Variants in DGKD observed in about 807,000 individuals in gnomAD.
DGKD encodes the protein diacylglycerol kinase delta.
DGKD carries 68 observed loss-of-function variants against 154.4 expected under a neutral mutation model. That is an observed-to-expected ratio of 0.44 (90% CI 0.36 to 0.54). The LOEUF is 0.54. Among genes scored for constraint, DGKD ranks in the 20% least tolerant of loss-of-function variants. DGKD has a pLI of 0.00. For missense variants in DGKD, 1,343 were observed against 1,593.6 expected, an observed-to-expected ratio of 0.84 and a Z score of 2.68; for synonymous variants, 693 against 638.0, an observed-to-expected ratio of 1.09 and a Z score of -1.30.
intron 3 of DGKD, among the ~76,000 whole-genome samples, chr2:233,397,939 G>A (rs2061460752): frequency 6.6e-6 from 1 of 151,906 alleles, no homozygotes. Flanking sequence ...TGGGGTGGTG[G>A]GGGAGGCTTC....
In DGKD at chr2:233,440,999, C is replaced by T. The variant is rs888228193; in HGVS notation, c.1086-888C>T. On this transcript the variant is annotated intron_variant, in intron 9 of 29. Transcript: ENST00000264057. The surrounding 1 kb of genome is among the most constrained non-coding windows in gnomAD (Gnocchi z 4.9). ...GGTTGGTGGTCGAGCTACCATTCTCCGAGTAGGGATGTGTCCTGTTGGATG... is the reference window on the plus strand; with the variant it reads ...GGTTGGTGGTCGAGCTACCATTCTCTGAGTAGGGATGTGTCCTGTTGGATG... 2.6e-5 allele frequency among the ~76,000 whole-genome samples: 4 copies of T among 152,118 alleles called. No homozygotes were observed. Among genetic ancestry groups the T allele is most frequent in the Admixed American group, 2.6e-4 (4 of 15,284 alleles).
intron 3 of DGKD, among the ~76,000 whole-genome samples, chr2:233,405,517 TAAA>T (rs1185414508): frequency 2.4e-5 from 3 of 127,030 alleles, no homozygotes; most frequent in Admixed American, 7.9e-5. Flanking sequence ...AAACTCTGTC[TAAA>T]AAAAAAAAAA....
intron 3 of DGKD, among the ~76,000 whole-genome samples, chr2:233,410,318 G>T (rs1163205295): frequency 6.6e-6 from 1 of 152,190 alleles, no homozygotes; most frequent in Non-Finnish European, 1.5e-5. Context: ...TTTGTCCTGT[G>T]CCCGTCATTG....
chr2:233,442,758 A>G lies in DGKD; in HGVS notation c.1194+763A>G, dbSNP rs1280210862. On this transcript the variant is annotated intron_variant, in intron 10 of 29. Coordinates refer to ENST00000264057, the MANE Select transcript of DGKD (RefSeq NM_152879.3). ...ATAGCTGGGATTACAGGCGCACGCT[A>G]CCACGCCCAGCTAATTTTTGTATTT... 3.3e-5 allele frequency among the ~76,000 whole-genome samples: 5 copies of G among 152,054 alleles called. No individual in the cohort carries two copies. The East Asian group carries it at 9.7e-4, about 29-fold the overall frequency.
At position 233,440,636 on chromosome 2, in the gene DGKD, G is replaced by C. The variant is rs2062854441; in HGVS notation, c.1086-1251G>C. Reference sequence around the variant, plus strand: ...CACCGCTTGTGCAGAGGCGAGGCAAGAGGGAATGCAGTGGGGCCAGGCCAG... The same window carrying C: ...CACCGCTTGTGCAGAGGCGAGGCAACAGGGAATGCAGTGGGGCCAGGCCAG... On this transcript the variant is annotated intron_variant, in intron 9 of 29. Transcript: ENST00000264057. The surrounding 1 kb of genome is among the most constrained non-coding windows in gnomAD (Gnocchi z 4.9). 6.6e-6 allele frequency among the ~76,000 whole-genome samples: 1 copy of C among 152,208 alleles called. No homozygotes were observed.
intron 3 of DGKD, among the ~76,000 whole-genome samples, chr2:233,393,940 T>C (rs1312664393): frequency 2.6e-5 from 4 of 152,044 alleles, no homozygotes; most frequent in African/African-American, 9.7e-5. Flanking sequence ...CCACCCAAAA[T>C]GCTGGGATTA....
chr2:233,427,337 C>CTTTT (rs35153949), intron 3 of DGKD, among the ~76,000 whole-genome samples: 4 of 83,760 alleles, frequency 4.8e-5, no homozygotes, highest in Non-Finnish European at 6.6e-5. Context: ...TATTGCCCTG[C>CTTTT]TTTTTTTTTT....
chr2:233,418,973 C>T (rs2062031979), intron 3 of DGKD, among the ~76,000 whole-genome samples: 1 of 152,128 alleles, frequency 6.6e-6, no homozygotes, highest in Non-Finnish European at 1.5e-5. Context: ...TTGTGTGGTG[C>T]TCTGTGAGGA....
At chr2:233,371,364 G>C (rs1702313681) in intron 1 of DGKD, among the ~76,000 whole-genome samples, 1 of 152,054 alleles carries the variant, frequency 6.6e-6, no homozygotes, top group African/African-American at 2.4e-5. Context: ...TACCTATTCA[G>C]GTCCATTGCC....
chr2:233,355,262 A>T (rs975579209), intron 1 of DGKD, among the ~76,000 whole-genome samples: 7 of 152,154 alleles, frequency 4.6e-5, no homozygotes, highest in African/African-American at 1.7e-4. Flanking sequence ...CAAAGCCGGG[A>T]CCGCGCACCC....
intron 3 of DGKD, among the ~76,000 whole-genome samples, chr2:233,400,722 A>G (rs1183272936): frequency 6.6e-6 from 1 of 152,012 alleles, no homozygotes; most frequent in African/African-American, 2.4e-5. Context: ...TCTCATGGGC[A>G]GGGCTGCTTG....
chr2:233,411,743 C>T (rs1423119636), intron 3 of DGKD, among the ~76,000 whole-genome samples: 1 of 152,060 alleles, frequency 6.6e-6, no homozygotes, highest in Non-Finnish European at 1.5e-5. Context: ...CCTTGTCTAC[C>T]TCGGCTTGCA....
At chr2:233,420,803 C>T (rs941559803) in intron 3 of DGKD, among the ~76,000 whole-genome samples, 2 of 152,192 alleles carry the variant, frequency 1.3e-5, no homozygotes, top group African/African-American at 4.8e-5. Context: ...TGCTGGTTTT[C>T]GTGGCCTCTG....
At chr2:233,464,757 C>T (rs1015521670) in intron 27 of DGKD, among the ~76,000 whole-genome samples, 4 of 152,238 alleles carry the variant, frequency 2.6e-5, no homozygotes, top group Non-Finnish European at 5.9e-5. Context: ...GGACGCAGGG[C>T]ATAGCGGACC....
intron 3 of DGKD, among the ~76,000 whole-genome samples, chr2:233,426,773 CAG>C (rs2062319503): frequency 1.3e-5 from 2 of 152,292 alleles, no homozygotes; most frequent in Admixed American, 6.5e-5. Flanking sequence ...TGCTGAGTCA[CAG>C]GGTATATACA....
intron 2 of DGKD, 110 bp from the exon 3 acceptor site, chr2:233,390,293 T>C: frequency 1.5e-6 from 1 of 689,108 alleles, no homozygotes; most frequent in South Asian, 2.0e-5. Context: ...GTACTGGGGC[T>C]TCTGTGGGTG....
intron 3 of DGKD, among the ~76,000 whole-genome samples, chr2:233,399,378 C>T (rs1354270167): frequency 6.6e-6 from 1 of 152,212 alleles, no homozygotes; most frequent in East Asian, 1.9e-4. Context: ...CAGGAAGCTT[C>T]CTGGGACCAG....
At chr2:233,397,299 C>G (rs1437308996) in intron 3 of DGKD, among the ~76,000 whole-genome samples, 1 of 23,002 alleles carries the variant, frequency 4.3e-5, no homozygotes, top group African/African-American at 2.3e-4. Context: ...ACCAGGGTGG[C>G]TGGGGGGGGG....
At chr2:233,467,842 C>A (rs569243688) in intron 28 of DGKD, among the ~76,000 whole-genome samples, 1 of 152,298 alleles carries the variant, frequency 6.6e-6, no homozygotes, top group South Asian at 2.1e-4. Context: ...TTCTTCTTTG[C>A]ATGTTTGTCC....
Sources: allele counts gnomAD v4.1 joint callset (sites outside exome capture counted in the v4.1 genomes callset), GRCh38; gene constraint gnomAD v4.1.1; non-coding constraint Gnocchi (gnomAD v3.1); transcripts MANE v1.5; gene names NCBI Gene and HGNC (gene_info 2026-07-23, HGNC 2026-07-21).